MTHFD1L: variants seen among roughly 807,000 people sequenced by gnomAD.
MTHFD1L encodes the protein methylenetetrahydrofolate dehydrogenase (NADP+ dependent) 1 like, also known as monofunctional C1-tetrahydrofolate synthase, mitochondrial.
Under a neutral mutation model 119.5 loss-of-function variants are expected in MTHFD1L, and 81 were observed. The observed-to-expected ratio is 0.68, with a 90% CI of 0.57 to 0.82. The LOEUF is 0.82. MTHFD1L is among the 40% of genes least tolerant of loss of function. MTHFD1L has a pLI of 0.00. For missense variants in MTHFD1L, 1,125 were observed against 1,253.4 expected, an observed-to-expected ratio of 0.90 and a Z score of 1.55; for synonymous variants, 430 against 475.2, an observed-to-expected ratio of 0.90 and a Z score of 1.24.
chr6:150,879,456 T>G (rs1781021896), intron 4 of MTHFD1L, among the ~76,000 whole-genome samples: 1 of 151,160 alleles, frequency 6.6e-6, no homozygotes, highest in Admixed American at 6.6e-5. Context: ...CCTGGCTAAT[T>G]TTTTGTGTTT....
rs1787939584 is a variant in MTHFD1L, at chr6:150,916,493, T to TTTTTTG, written c.893-2079_893-2078insGTTTTT. On this transcript the variant is annotated intron_variant, in intron 8 of 27. Coordinates refer to ENST00000367321, the MANE Select transcript of MTHFD1L (RefSeq NM_015440.5). ...TTTTTTTTTTTTTTTTTTTTTTTTT[T>TTTTTTG]TTTTTTGGTATTTTTAGTAGAGATG... Among the ~76,000 whole-genome samples the TTTTTTG allele has an allele frequency of 4.1e-5, 2 of 48,736 alleles. 1 individual carries two copies. The highest frequency in any genetic ancestry group is 1.0e-3 in the East Asian group (2 of 1,920). 32.0% of individuals were successfully genotyped at this position (48,736 alleles called of 152,430 possible).
intron 20 of MTHFD1L, among the ~76,000 whole-genome samples, chr6:150,991,169 A>G (rs1400964128): frequency 6.6e-6 from 1 of 152,116 alleles, no homozygotes; most frequent in African/African-American, 2.4e-5. Flanking sequence ...AATATAAACC[A>G]TAGAGCTTTG....
At chr6:150,916,737 CTTTTTTTT>C (rs57961829) in intron 8 of MTHFD1L, among the ~76,000 whole-genome samples, 7 of 72,122 alleles carry the variant, frequency 9.7e-5, no homozygotes, top group Admixed American at 2.2e-4. Context: ...GATTCTATCC[CTTTTTTTT>C]TTTTTTTTTT....
chr6:151,062,343 T>TAGGA (rs1250668087), intron 26 of MTHFD1L, among the ~76,000 whole-genome samples: 1 of 151,768 alleles, frequency 6.6e-6, no homozygotes, highest in Non-Finnish European at 1.5e-5. Flanking sequence ...GAGGCTGAGG[T>TAGGA]AGGAGAATGG....
chr6:150,907,074 C>T (rs749235376), intron 8 of MTHFD1L, among the ~76,000 whole-genome samples: 1 of 149,642 alleles, frequency 6.7e-6, no homozygotes, highest in Non-Finnish European at 1.5e-5. Flanking sequence ...GTTCAGCATC[C>T]CAGTCAGATT....
chr6:150,903,284 C>T (rs1785379305), intron 7 of MTHFD1L, among the ~76,000 whole-genome samples: 1 of 124,898 alleles, frequency 8.0e-6, no homozygotes, highest in African/African-American at 3.1e-5. Flanking sequence ...GTGGTGCAAT[C>T]TTGGCTTCAC....
chr6:151,004,248 G>A (rs548352786), intron 20 of MTHFD1L, among the ~76,000 whole-genome samples: 7 of 152,016 alleles, frequency 4.6e-5, no homozygotes, highest in Admixed American at 1.3e-4. Context: ...TCACTTGAAC[G>A]TGGGAGGCGG....
At chr6:151,065,589 C>G (rs1444369802) in intron 26 of MTHFD1L, among the ~76,000 whole-genome samples, 1 of 152,240 alleles carries the variant, frequency 6.6e-6, no homozygotes, top group Non-Finnish European at 1.5e-5. Context: ...GCCTTCTGTT[C>G]ACAGTGTGAT....
intron 11 of MTHFD1L, among the ~76,000 whole-genome samples, chr6:150,927,972 G>A (rs1044095086): frequency 4.6e-5 from 7 of 152,058 alleles, no homozygotes; most frequent in Non-Finnish European, 1.0e-4. Flanking sequence ...CAACTTACTT[G>A]ACCAATTTTC....
intron 16 of MTHFD1L, among the ~76,000 whole-genome samples, chr6:150,949,677 A>G (rs1446164916): frequency 1.3e-5 from 2 of 151,802 alleles, no homozygotes; most frequent in Non-Finnish European, 2.9e-5. Context: ...GCTCCCCACC[A>G]CCTCGACTTC....
chr6:151,095,702 G>A (rs117030066), intron 27 of MTHFD1L, among the ~76,000 whole-genome samples: 5,115 of 152,346 alleles, frequency 0.034, 176 homozygotes, highest in Admixed American at 0.11. Flanking sequence ...CTTTGCATGG[G>A]TGGTCACAGC....
intron 20 of MTHFD1L, among the ~76,000 whole-genome samples, chr6:151,006,701 G>C (rs922690119): frequency 1.3e-5 from 2 of 152,140 alleles, no homozygotes; most frequent in Middle Eastern, 3.4e-3. Context: ...TATTTGGTTT[G>C]GAGATAGATG....
chr6:150,905,841 A>G (rs1445692923), intron 8 of MTHFD1L, 80 bp downstream of exon 8: 1 of 1,147,554 alleles, frequency 8.7e-7, no homozygotes, highest in African/African-American at 1.5e-5. Context: ...CTAAGAGGTT[A>G]TGTTTCTGAA....
At chr6:150,922,936 G>A (rs1004131828) in intron 10 of MTHFD1L, among the ~76,000 whole-genome samples, 4 of 152,202 alleles carry the variant, frequency 2.6e-5, no homozygotes, top group East Asian at 1.9e-4. Context: ...GAGCGACCAC[G>A]CCTGGCCTGG....
At position 150,989,873 on chromosome 6, in the gene MTHFD1L, A is replaced by G. The variant is rs1260583814; in HGVS notation, c.2125+17815A>G. ...TTACTATACTATATCATGCCACACT[A>G]TACTATACTGTATTTACTGTAAAAA... On this transcript the variant is annotated intron_variant, in intron 20 of 27. Transcript: ENST00000367321. 2.0e-5 allele frequency among the ~76,000 whole-genome samples: 3 copies of G among 152,222 alleles called. No individual in the cohort carries two copies. In the East Asian group the frequency reaches 5.8e-4, roughly 29 times the overall value.
chr6:151,080,370 G>A (rs1793026138), intron 26 of MTHFD1L, among the ~76,000 whole-genome samples: 1 of 152,184 alleles, frequency 6.6e-6, no homozygotes, highest in Admixed American at 6.5e-5. Context: ...AGTCCCAGCA[G>A]TGTTGCGGGT....
chr6:151,067,416 T>C (rs1356034849), intron 26 of MTHFD1L, among the ~76,000 whole-genome samples: 3 of 151,856 alleles, frequency 2.0e-5, no homozygotes, highest in Non-Finnish European at 4.4e-5. Flanking sequence ...TTCGACCTCC[T>C]ACGTCCAAGC....
intron 26 of MTHFD1L, chr6:151,041,913 G>C: frequency 2.2e-6 from 1 of 454,364 alleles, no homozygotes; most frequent in South Asian, 1.7e-5. Context: ...TTCCGCTCCA[G>C]ATTTCGCTTC....
chr6:151,015,472 C>G, intron 23 of MTHFD1L, 44 bp from the exon 24 acceptor site: 1 of 1,566,280 alleles, frequency 6.4e-7, no homozygotes, highest in South Asian at 1.2e-5. Flanking sequence ...GAAAACATAG[C>G]TAAATGGATA....
Sources: gnomAD v4.1 joint callset for allele counts (sites outside exome capture counted in the v4.1 genomes callset) on GRCh38, gnomAD v4.1.1 for gene constraint, MANE v1.5 for transcripts, NCBI Gene and HGNC (gene_info 2026-07-23, HGNC 2026-07-21) for gene names.